Variants in SLC48A1 observed in about 807,000 individuals in gnomAD.
The protein encoded by SLC48A1 is heme transporter HRG1.
In SLC48A1, 6 loss-of-function variants were observed where a neutral mutation model predicts 14.8. The ratio of observed to expected loss-of-function variants is 0.41; its 90% confidence interval spans 0.22 to 0.80. The LOEUF (loss-of-function observed/expected upper bound fraction) is 0.80. Among genes scored for constraint, SLC48A1 ranks in the 30% least tolerant of loss-of-function variants. The pLI is 0.34. For synonymous variants in SLC48A1, 89 were observed against 90.0 expected (o/e 0.99, Z 0.06); for missense variants, 165 against 204.8 (o/e 0.81, Z 1.19).
chr12:47,761,379 C>A (rs552252964), intron 2 of SLC48A1, among the ~76,000 whole-genome samples: 1 of 152,214 alleles, frequency 6.6e-6, no homozygotes, highest in East Asian at 1.9e-4. Flanking sequence ...TTCATTCCCC[C>A]TCTCTGGGGA....
chr12:47,770,361 C>T (rs1942603918), upstream of SLC48A1, among the ~76,000 whole-genome samples: 1 of 152,228 alleles, frequency 6.6e-6, no homozygotes, highest in Non-Finnish European at 1.5e-5. Flanking sequence ...CTCCCCTGAC[C>T]TTTAGGTTCA....
upstream of SLC48A1, among the ~76,000 whole-genome samples, chr12:47,754,416 C>A (rs1266914787): frequency 6.6e-6 from 1 of 152,168 alleles, no homozygotes; most frequent in Non-Finnish European, 1.5e-5. Context: ...TAGGATGGGG[C>A]GGAGAGAGGG....
chr12:47,779,847 G>A (rs550252664), intron 2 of SLC48A1, among the ~76,000 whole-genome samples: 26 of 152,224 alleles, frequency 1.7e-4, no homozygotes, highest in African/African-American at 4.8e-5. Context: ...AGGCGCATGC[G>A]AGGGTTGCGT....
chr12:47,780,151 C>A lies in SLC48A1; in HGVS notation c.311C>A (p.Thr104Lys). The change falls in exon 3 of 3, where the codon ACA (threonine) becomes AAA (lysine). Residue 104 changes from threonine (T) to lysine (K), a missense_variant. By Grantham distance (78) the Thr-to-Lys change is moderately conservative. Coordinates refer to ENST00000442218, the MANE Select transcript of SLC48A1 (RefSeq NM_017842.3). ...GGTACTTCTCTCCCTGCAGGCCTCA[C>A]AGACCCCACCAGCTACTACCTCTCC... ...VLAITRHQSL[T>K]DPTSYYLSSV... 6.3e-7 allele frequency: 1 copy of A among 1,596,808 alleles called. No homozygotes were observed. The highest frequency in any genetic ancestry group is 8.5e-7 in the Non-Finnish European group (1 of 1,170,166).
chr12:47,762,282 C>T (rs889916369), intron 2 of SLC48A1, among the ~76,000 whole-genome samples: 1 of 140,040 alleles, frequency 7.1e-6, no homozygotes, highest in Middle Eastern at 3.9e-3. Context: ...TTTTCCCCAC[C>T]TCGGCCTCTT....
chr12:47,758,196 G>T, upstream of SLC48A1: 1 of 1,444,180 alleles, frequency 6.9e-7, no homozygotes, highest in South Asian at 1.4e-5. Context: ...TCAGGCGGAG[G>T]TGCTGCAACC....
chr12:47,763,708 C>G (rs1471867849), intron 2 of SLC48A1, among the ~76,000 whole-genome samples: 1 of 152,168 alleles, frequency 6.6e-6, no homozygotes, highest in Non-Finnish European at 1.5e-5. Flanking sequence ...CTAGGACTAA[C>G]AGGTCACAAC....
At chr12:47,758,480 A>G (rs1322337303), upstream of SLC48A1, 3 of 1,581,172 alleles carry the variant, frequency 1.9e-6, no homozygotes. Flanking sequence ...TCCCACCCAA[A>G]CTCCCCACCG....
intron 2 of SLC48A1, among the ~76,000 whole-genome samples, chr12:47,762,968 G>C (rs1330376563): frequency 1.3e-5 from 2 of 152,182 alleles, no homozygotes; most frequent in African/African-American, 4.8e-5. Context: ...GGGCCCCAGA[G>C]CCTATTGGAA....
upstream of SLC48A1, chr12:47,758,432 C>A: frequency 1.9e-6 from 3 of 1,561,884 alleles, no homozygotes; most frequent in Admixed American, 1.9e-5. Flanking sequence ...GGCTTAAACC[C>A]TTCTCCTCTC....
intron 2 of SLC48A1, 43 bp from the exon 3 acceptor site, chr12:47,780,102 G>A: frequency 1.3e-6 from 2 of 1,499,258 alleles, no homozygotes; most frequent in Non-Finnish European, 1.8e-6. Flanking sequence ...GAGGCCGAGG[G>A]CAGGGCCTGC....
At chr12:47,773,748 C>G (rs1942678820) in intron 1 of SLC48A1, among the ~76,000 whole-genome samples, 2 of 152,344 alleles carry the variant, frequency 1.3e-5, no homozygotes, top group Admixed American at 1.3e-4. Flanking sequence ...GCCCTCCGCC[C>G]AGTTGCCCCA....
At chr12:47,770,921 T>C (rs112045750), upstream of SLC48A1, 972 of 456,472 alleles carry the variant, frequency 2.1e-3, 5 homozygotes, top group African/African-American at 0.017. Flanking sequence ...TCCCACTGCC[T>C]GGAGTACTGT....
intron 2 of SLC48A1, among the ~76,000 whole-genome samples, chr12:47,765,076 C>CAAAAAAAAA (rs750174911): frequency 2.6e-5 from 1 of 38,188 alleles, no homozygotes; most frequent in Non-Finnish European, 4.6e-5. Context: ...GACTCTGTCT[C>CAAAAAAAAA]AAAAAAAAAA....
At chr12:47,774,693 C>T (rs1362817856) in intron 1 of SLC48A1, among the ~76,000 whole-genome samples, 1 of 152,112 alleles carries the variant, frequency 6.6e-6, no homozygotes, top group Non-Finnish European at 1.5e-5. Context: ...CAGGGCCCCA[C>T]CCTACACAAT....
At chr12:47,775,034 G>T (rs926728561) in intron 1 of SLC48A1, among the ~76,000 whole-genome samples, 2 of 152,200 alleles carry the variant, frequency 1.3e-5, no homozygotes, top group East Asian at 3.8e-4. Context: ...TCAGCTGGTT[G>T]TGTTGAGTCT....
upstream of SLC48A1, among the ~76,000 whole-genome samples, chr12:47,754,781 C>G (rs915405283): frequency 6.6e-6 from 1 of 152,150 alleles, no homozygotes; most frequent in African/African-American, 2.4e-5. Flanking sequence ...TCAGGGTTCT[C>G]AGTTGGGAAG....
At position 47,780,956 on chromosome 12, in the gene SLC48A1, C is replaced by G. The variant is rs776036620; in HGVS notation, c.*675C>G. Reference sequence around the variant, plus strand: ...GAGGTCAAGGTGTAGGGCCATGAGGCCTGGACCTATGCTGCAGGCAAGGGT... The same window carrying G: ...GAGGTCAAGGTGTAGGGCCATGAGGGCTGGACCTATGCTGCAGGCAAGGGT... On this transcript the variant is annotated 3_prime_UTR_variant, in exon 3 of 3. Coordinates refer to ENST00000442218, the MANE Select transcript of SLC48A1 (RefSeq NM_017842.3). The G allele has an allele frequency of 7.5e-6, 4 of 531,028 alleles. No individual in the cohort carries two copies. Among genetic ancestry groups the G allele is most frequent in the South Asian group, 1.4e-5 (1 of 71,142 alleles). 32.9% of individuals were successfully genotyped at this position (531,028 alleles called of 1,614,324 possible). A position where few individuals can be genotyped will look rare whatever the true frequency, so the allele number is the denominator to read the frequency against.
At chr12:47,761,361 A>G (rs1290106282) in intron 2 of SLC48A1, among the ~76,000 whole-genome samples, 4 of 151,982 alleles carry the variant, frequency 2.6e-5, no homozygotes, top group Non-Finnish European at 4.4e-5. Flanking sequence ...TCTTTTTTCC[A>G]TTTCTTTTTC....
Sources: gnomAD v4.1 joint callset for allele counts (sites outside exome capture counted in the v4.1 genomes callset) on GRCh38, gnomAD v4.1.1 for gene constraint, MANE v1.5 for transcripts, NCBI Gene and HGNC (gene_info 2026-07-23, HGNC 2026-07-21) for gene names.